The following LOC728392 variants were observed in gnomAD, a reference collection of about 807,000 sequenced individuals.
chr17:5,500,774 G>GC, the LOC728392 span: 35 of 1,160,174 alleles, frequency 3.0e-5, no homozygotes, highest in Non-Finnish European at 3.8e-5. This position sits in a 1 kb window ranked among gnomAD's most constrained non-coding sequence, Gnocchi z 5.4. Flanking sequence ...GCCCGGCGCG[G>GC]CCCCCCTGCG....
At chr17:5,499,900 A>G in the LOC728392 span, 16 of 984,836 alleles carry the variant, frequency 1.6e-5, no homozygotes, top group Non-Finnish European at 1.8e-5. Flanking sequence ...TCCTGGTGAG[A>G]CAGCTCCTCC....
the LOC728392 span, chr17:5,500,019 A>T: frequency 1.0e-6 from 1 of 986,090 alleles, no homozygotes; most frequent in Non-Finnish European, 1.2e-6. This position sits in a 1 kb window ranked among gnomAD's most constrained non-coding sequence, Gnocchi z 5.4. Context: ...CACCCCGACG[A>T]ACGCCACTTA....
the LOC728392 span, chr17:5,500,749 C>A: frequency 3.2e-6 from 4 of 1,235,372 alleles, no homozygotes; most frequent in Middle Eastern, 2.6e-4. This position sits in a 1 kb window ranked among gnomAD's most constrained non-coding sequence, Gnocchi z 5.4. Context: ...GGGCGCGATG[C>A]GGCCTTCGGG....
the LOC728392 span, chr17:5,499,993 T>C: frequency 3.0e-6 from 3 of 985,922 alleles, no homozygotes; most frequent in Non-Finnish European, 3.6e-6. Flanking sequence ...CCGGAGCCCC[T>C]GGGGGCGCAG....
At chr17:5,500,241 C>A in the LOC728392 span, 3 of 992,794 alleles carry the variant, frequency 3.0e-6, no homozygotes, top group Non-Finnish European at 3.6e-6. This position sits in a 1 kb window ranked among gnomAD's most constrained non-coding sequence, Gnocchi z 5.4. Context: ...CAAGATTGGG[C>A]GCACTCTGAG....
At chr17:5,500,792 G>T in the LOC728392 span, 4 of 1,155,746 alleles carry the variant, frequency 3.5e-6, no homozygotes, top group South Asian at 6.9e-5. The surrounding 1 kb of genome is among the most constrained non-coding windows in gnomAD (Gnocchi z 5.4). Flanking sequence ...GCGCCCTCCC[G>T]CCCGCGCGCC....
At chr17:5,499,824 G>T in the LOC728392 span, 1 of 985,980 alleles carries the variant, frequency 1.0e-6, no homozygotes, top group Non-Finnish European at 1.2e-6. Context: ...CCAGCTCTGG[G>T]CCTGCGTGCC....
At chr17:5,500,137 G>T in the LOC728392 span, 1 of 987,076 alleles carries the variant, frequency 1.0e-6, no homozygotes, top group Non-Finnish European at 1.2e-6. The surrounding 1 kb of genome is among the most constrained non-coding windows in gnomAD (Gnocchi z 5.4). Context: ...GCATCACAGG[G>T]CTCCGGCCCA....
chr17:5,500,579 C>G, the LOC728392 span: 1 of 1,242,536 alleles, frequency 8.0e-7, no homozygotes, highest in Non-Finnish European at 1.0e-6. The surrounding 1 kb of genome is among the most constrained non-coding windows in gnomAD (Gnocchi z 5.4). Flanking sequence ...TGCGCCCACC[C>G]CGTCCCGCGC....
chr17:5,500,842 C>T, the LOC728392 span: 13 of 1,213,122 alleles, frequency 1.1e-5, no homozygotes, highest in African/African-American at 1.6e-5. This position sits in a 1 kb window ranked among gnomAD's most constrained non-coding sequence, Gnocchi z 5.4. Context: ...GACCTGGGCC[C>T]GCGGGCAGCG....
chr17:5,500,168 C>G, the LOC728392 span: 3 of 986,348 alleles, frequency 3.0e-6, no homozygotes, highest in Admixed American at 1.8e-4. The surrounding 1 kb of genome is among the most constrained non-coding windows in gnomAD (Gnocchi z 5.4). Context: ...GGGCGCCGAC[C>G]CTCCCTGCCG....
chr17:5,500,684 A>C, the LOC728392 span: 3 of 1,271,664 alleles, frequency 2.4e-6, no homozygotes, highest in Non-Finnish European at 3.1e-6. This position sits in a 1 kb window ranked among gnomAD's most constrained non-coding sequence, Gnocchi z 5.4. Flanking sequence ...AGAGGTGCGG[A>C]AAATGGTCGA....
the LOC728392 span, chr17:5,500,083 G>T: frequency 4.1e-6 from 4 of 986,150 alleles, no homozygotes; most frequent in Non-Finnish European, 4.8e-6. The surrounding 1 kb of genome is among the most constrained non-coding windows in gnomAD (Gnocchi z 5.4). Context: ...TCTCTCGGCC[G>T]CGCCAACTCT....
the LOC728392 span, chr17:5,499,653 G>T: frequency 5.1e-6 from 3 of 586,756 alleles, no homozygotes; most frequent in South Asian, 1.5e-4. Flanking sequence ...TGGTTTTCCC[G>T]CACGAACTCT....
chr17:5,500,972 T>C, the LOC728392 span: 1 of 1,235,102 alleles, frequency 8.1e-7, no homozygotes, highest in Non-Finnish European at 1.0e-6. The surrounding 1 kb of genome is among the most constrained non-coding windows in gnomAD (Gnocchi z 5.4). Flanking sequence ...GGATCGCGGG[T>C]AGGTGGGTCA....
chr17:5,499,640 A>C, the LOC728392 span: 1 of 403,304 alleles, frequency 2.5e-6, no homozygotes, highest in South Asian at 9.9e-5. Context: ...CCTAGGGATC[A>C]GGTGGTTTTC....
chr17:5,500,178 G>A, the LOC728392 span: 1 of 986,696 alleles, frequency 1.0e-6, no homozygotes, highest in Admixed American at 6.1e-5. The surrounding 1 kb of genome is among the most constrained non-coding windows in gnomAD (Gnocchi z 5.4). Context: ...CCTCCCTGCC[G>A]GACCCTCTCT....
At chr17:5,500,969 G>C in the LOC728392 span, 8 of 1,239,906 alleles carry the variant, frequency 6.5e-6, no homozygotes, top group East Asian at 1.8e-4. This position sits in a 1 kb window ranked among gnomAD's most constrained non-coding sequence, Gnocchi z 5.4. Context: ...GCAGGATCGC[G>C]GGTAGGTGGG....
chr17:5,499,633 A>C, the LOC728392 span: 1 of 356,398 alleles, frequency 2.8e-6, no homozygotes, highest in Non-Finnish European at 3.9e-6. Context: ...ACAAATCCCT[A>C]GGGATCAGGT....
Sources: allele counts gnomAD v4.1 joint callset, GRCh38; gene constraint gnomAD v4.1.1; non-coding constraint Gnocchi (gnomAD v3.1); transcripts MANE v1.5.